Variants in ASAP2 observed in about 807,000 individuals in gnomAD.
The protein encoded by ASAP2 is ArfGAP with SH3 domain, ankyrin repeat and PH domain 2.
In ASAP2, 45 loss-of-function variants were observed where a neutral mutation model predicts 131.4. The observed-to-expected ratio is 0.34, with a 90% CI of 0.27 to 0.44. ASAP2 has a LOEUF of 0.44. Ranked by LOEUF, ASAP2 falls within the 20% of genes least tolerant of loss-of-function variation. The pLI is 1.00. For synonymous variants in ASAP2, 510 were observed against 503.0 expected, an observed-to-expected ratio of 1.01 and a Z score of -0.19; for missense variants, 1,011 against 1,297.0, an observed-to-expected ratio of 0.78 and a Z score of 3.39.
intron 15 of ASAP2, among the ~76,000 whole-genome samples, chr2:9,367,734 C>T (rs1673591117): frequency 6.6e-6 from 1 of 152,138 alleles, no homozygotes; most frequent in Non-Finnish European, 1.5e-5. Context: ...TGCACTTCGG[C>T]CTGGGCAACA....
At chr2:9,289,251 G>A (rs1056311169) in intron 2 of ASAP2, among the ~76,000 whole-genome samples, 2 of 152,144 alleles carry the variant, frequency 1.3e-5, no homozygotes, top group Non-Finnish European at 2.9e-5. Context: ...CACACCAAGC[G>A]CCTTGAATTC....
At position 9,207,212 on chromosome 2, in the gene ASAP2, T is replaced by C. The variant is rs1389704627; in HGVS notation, c.108T>C (p.Thr36=). 1.3e-6 allele frequency: 2 copies of C among 1,596,042 alleles called. No homozygotes were observed. The highest frequency in any genetic ancestry group is 2.3e-5 in the East Asian group (1 of 43,856). Residue 36 remains threonine, a synonymous_variant, in exon 1 of 28, where the codon ACT becomes ACC. Transcript: ENST00000281419. The surrounding 1 kb of genome is among the most constrained non-coding windows in gnomAD (Gnocchi z 4.1). ...CCCGCACGGCGCAGTGCCGGAACAC[T>C]GTGGCGGCCATCGAGGAGGTGAGGC... ...FTTRTAQCRN[T]VAAIEEALDV...
rs777082360 is a variant in ASAP2 at position 9,400,839 on chromosome 2, C to CG, written c.2823+10dup. The CG allele has an allele frequency of 6.2e-7, 1 of 1,611,612 alleles. No individual in the cohort carries two copies. Among genetic ancestry groups the CG allele is most frequent in the South Asian group, 1.1e-5 (1 of 91,042 alleles). ...CTAGGAAGTCGCAGGCAGTAAGTGA[C>CG]GAGCCCCCTTTCCTGCCTCTCTGCT... On this transcript the variant is annotated intron_variant, in intron 26 of 27. Transcript: ENST00000281419.
intron 1 of ASAP2, among the ~76,000 whole-genome samples, chr2:9,228,973 A>G (rs1029487467): frequency 1.2e-4 from 18 of 152,262 alleles, no homozygotes; most frequent in African/African-American, 3.6e-4. Context: ...AAGATCCGGT[A>G]TCTCAGGAGG....
chr2:9,241,273 C>A (rs368235210), intron 1 of ASAP2, among the ~76,000 whole-genome samples: 51 of 152,318 alleles, frequency 3.3e-4, no homozygotes, highest in African/African-American at 1.2e-3. Flanking sequence ...AGTAATGCTG[C>A]AGAATTTTGG....
At chr2:9,275,549 TG>T (rs939610190) in intron 1 of ASAP2, among the ~76,000 whole-genome samples, 9 of 152,224 alleles carry the variant, frequency 5.9e-5, no homozygotes, top group African/African-American at 2.2e-4. Flanking sequence ...GAATGGCTTT[TG>T]AACCATGGGT....
intron 2 of ASAP2, among the ~76,000 whole-genome samples, chr2:9,286,180 T>G (rs1465696707): frequency 6.6e-6 from 1 of 152,106 alleles, no homozygotes; most frequent in Non-Finnish European, 1.5e-5. Flanking sequence ...ATGGATCGCT[T>G]GAGCTCAGGA....
chr2:9,249,815 G>A (rs979525811), intron 1 of ASAP2, among the ~76,000 whole-genome samples: 1 of 151,620 alleles, frequency 6.6e-6, no homozygotes, highest in Non-Finnish European at 1.5e-5. Context: ...GAGGATGACC[G>A]AGGGGCATGA....
In ASAP2 at chr2:9,317,786, A is replaced by G. The variant is rs372906062; in HGVS notation, c.346-738A>G. ...TACACAATCACACCCTCACACACCCATACACAATCGCATTCACACACTCAC... is the reference window on the plus strand; with the variant it reads ...TACACAATCACACCCTCACACACCCGTACACAATCGCATTCACACACTCAC... On this transcript the variant is annotated intron_variant, in intron 3 of 27. Coordinates refer to ENST00000281419, the MANE Select transcript of ASAP2 (RefSeq NM_003887.3). Among the ~76,000 whole-genome samples the G allele has an allele frequency of 3.1e-3, 467 of 149,718 alleles. 4 individuals carry two copies. Among genetic ancestry groups the G allele is most frequent in the African/African-American group, 0.01 (414 of 40,740 alleles).
chr2:9,395,677 G>A (rs1030354179), intron 24 of ASAP2, among the ~76,000 whole-genome samples: 5 of 120,312 alleles, frequency 4.2e-5, no homozygotes, highest in African/African-American at 6.3e-5. Flanking sequence ...GCGCGATCTT[G>A]GCTCACTGCA....
intron 1 of ASAP2, among the ~76,000 whole-genome samples, chr2:9,230,680 A>G (rs1371892169): frequency 6.6e-6 from 1 of 152,178 alleles, no homozygotes; most frequent in Admixed American, 6.5e-5. Context: ...GTTTTCCATC[A>G]CAGCTGGGAG....
chr2:9,396,688 T>C (rs988626522), intron 24 of ASAP2, among the ~76,000 whole-genome samples: 2 of 152,204 alleles, frequency 1.3e-5, no homozygotes, highest in African/African-American at 4.8e-5. Context: ...AATGCTACTT[T>C]GCAAGATAAC....
At position 9,368,442 on chromosome 2, in the gene ASAP2, G is replaced by T; in HGVS notation, c.1479G>T (p.Gly493=). The T allele has an allele frequency of 6.2e-7, 1 of 1,614,132 alleles. No individual in the cohort carries two copies. The highest frequency in any genetic ancestry group is 8.5e-7 in the Non-Finnish European group (1 of 1,180,012). ...TSELLLAKNI[G]NAGFNEIMEC... ...TTTTGCAGCTCGCCAAGAATATTGG[G>T]AATGCAGGCTTTAATGAGATCATGG... Residue 493 remains glycine, a synonymous_variant, in exon 16 of 28, where the codon GGG becomes GGT. Coordinates refer to ENST00000281419, the MANE Select transcript of ASAP2 (RefSeq NM_003887.3).
At chr2:9,383,118 G>A (rs1674994658) in intron 20 of ASAP2, among the ~76,000 whole-genome samples, 1 of 151,848 alleles carries the variant, frequency 6.6e-6, no homozygotes, top group African/African-American at 2.4e-5. Flanking sequence ...CCACGGGACT[G>A]TTTGAGTCAT....
intron 1 of ASAP2, among the ~76,000 whole-genome samples, chr2:9,250,534 C>T (rs550000772): frequency 6.6e-6 from 1 of 152,206 alleles, no homozygotes; most frequent in South Asian, 2.1e-4. Flanking sequence ...TCCCATTCCA[C>T]AGAGGGTACA....
At chr2:9,303,771 A>C (rs963529856) in intron 3 of ASAP2, among the ~76,000 whole-genome samples, 2 of 152,230 alleles carry the variant, frequency 1.3e-5, no homozygotes, top group African/African-American at 2.4e-5. Flanking sequence ...ATAGCCACAT[A>C]ATAGATTTCC....
At chr2:9,271,544 C>T (rs181599027) in intron 1 of ASAP2, 109 of 1,549,142 alleles carry the variant, frequency 7.0e-5, no homozygotes, top group South Asian at 6.9e-4. Flanking sequence ...TGGATATAAT[C>T]CTCAGTGCCA....
intron 17 of ASAP2, among the ~76,000 whole-genome samples, chr2:9,375,183 G>A (rs1176606671): frequency 1.3e-5 from 2 of 151,996 alleles, no homozygotes; most frequent in African/African-American, 4.8e-5. Context: ...TCAGGAGGCT[G>A]GGGTGAGAGG....
intron 16 of ASAP2, among the ~76,000 whole-genome samples, chr2:9,371,755 G>C (rs1673983281): frequency 1.3e-5 from 2 of 152,088 alleles, no homozygotes; most frequent in African/African-American, 2.4e-5. Flanking sequence ...AGTGTAAGGA[G>C]AGCCCCTCCT....
Sources: allele counts gnomAD v4.1 joint callset (sites outside exome capture counted in the v4.1 genomes callset), GRCh38; gene constraint gnomAD v4.1.1; non-coding constraint Gnocchi (gnomAD v3.1); transcripts MANE v1.5; gene names NCBI Gene and HGNC (gene_info 2026-07-23, HGNC 2026-07-21).